Variants in MINPP1 observed in about 807,000 individuals in gnomAD.
MINPP1 encodes multiple inositol-polyphosphate phosphatase 1, also known as multiple inositol polyphosphate phosphatase 1.
A neutral mutation model predicts 46.1 loss-of-function variants in MINPP1; 28 were observed. That is an observed-to-expected ratio of 0.61 (90% confidence interval 0.45 to 0.83). The LOEUF (loss-of-function observed/expected upper bound fraction) is 0.83. Ranked by LOEUF, MINPP1 falls within the 40% of genes least tolerant of loss-of-function variation. The pLI is 0.00. For missense variants in MINPP1, 603 were observed against 610.0 expected, an observed-to-expected ratio of 0.99 and a Z score of 0.12; for synonymous variants, 268 against 249.1, an observed-to-expected ratio of 1.08 and a Z score of -0.72.
chr10:87,525,496 A>G (rs924622652), intron 4 of MINPP1, among the ~76,000 whole-genome samples: 1 of 152,132 alleles, frequency 6.6e-6, no homozygotes, highest in Non-Finnish European at 1.5e-5. Context: ...GCTGAATAAT[A>G]TTCCTTTGTA....
intron 4 of MINPP1, among the ~76,000 whole-genome samples, chr10:87,542,036 AG>A (rs1267793932): frequency 1.3e-5 from 2 of 152,168 alleles, no homozygotes; most frequent in African/African-American, 2.4e-5. Context: ...CCTTCACAAT[AG>A]TTCCCCAAGT....
At position 87,505,660 on chromosome 10, in the gene MINPP1, C is replaced by T. The variant is rs941661899; in HGVS notation, c.637+108C>T. 1.2e-4 allele frequency: 128 copies of T among 1,030,576 alleles called. No individual in the cohort carries two copies. Among genetic ancestry groups the T allele is most frequent in the Middle Eastern group, 6.2e-4 (2 of 3,240 alleles). 63.8% of individuals were successfully genotyped at this position (1,030,576 alleles called of 1,614,324 possible). A position where few individuals can be genotyped will look rare whatever the true frequency, so the allele number is the denominator to read the frequency against. ...TTTCCGATGCCCCCCAGTTCTCTTT[C>T]CTCTTTTCCCAAGCCATCATCCCTC... On this transcript the variant is annotated intron_variant, in intron 1 of 4. Transcript: ENST00000371996. The surrounding 1 kb of genome is among the most constrained non-coding windows in gnomAD (Gnocchi z 4.4).
intron 3 of MINPP1, among the ~76,000 whole-genome samples, chr10:87,518,832 G>T (rs763537302): frequency 4.6e-5 from 7 of 152,230 alleles, no homozygotes; most frequent in Non-Finnish European, 1.0e-4. Context: ...AGTAGGGCGA[G>T]ATATGGGGGA....
chr10:87,530,359 C>A (rs1179282383), intron 4 of MINPP1, among the ~76,000 whole-genome samples: 1 of 152,160 alleles, frequency 6.6e-6, no homozygotes, highest in Non-Finnish European at 1.5e-5. Context: ...TACCTTTGGT[C>A]TTTGATGATG....
At chr10:87,515,248 G>A (rs117447767) in intron 3 of MINPP1, among the ~76,000 whole-genome samples, 7,759 of 151,944 alleles carry the variant, frequency 0.051, 272 homozygotes, top group Non-Finnish European at 0.076. Context: ...TTAGCCAAGC[G>A]TGGTGGTGCA....
chr10:87,519,154 C>G (rs1200073237), intron 3 of MINPP1, among the ~76,000 whole-genome samples: 1 of 152,180 alleles, frequency 6.6e-6, no homozygotes, highest in Non-Finnish European at 1.5e-5. Flanking sequence ...ATGGGAGTTA[C>G]AAACCAGGAA....
intron 2 of MINPP1, chr10:87,509,811 G>C (rs1050310272): frequency 4.4e-6 from 1 of 229,646 alleles, no homozygotes; most frequent in Non-Finnish European, 9.3e-6. Context: ...TGCAATTCTA[G>C]TCCTACATTT....
chr10:87,511,267 T>G (rs1458605999), intron 2 of MINPP1, among the ~76,000 whole-genome samples: 2 of 152,224 alleles, frequency 1.3e-5, no homozygotes, highest in African/African-American at 2.4e-5. Flanking sequence ...CTCTTAGGTT[T>G]GTTGATGGTG....
intron 3 of MINPP1, among the ~76,000 whole-genome samples, chr10:87,515,539 T>A (rs927157854): frequency 6.6e-6 from 1 of 152,228 alleles, no homozygotes; most frequent in Admixed American, 6.5e-5. Context: ...TAAGGTTGTC[T>A]TTTGATTGAG....
At chr10:87,550,918 AG>A (rs1732358220) in intron 4 of MINPP1, among the ~76,000 whole-genome samples, 1 of 151,960 alleles carries the variant, frequency 6.6e-6, no homozygotes, top group African/African-American at 2.4e-5. Context: ...AGTCCTGGAG[AG>A]GACTAAATAC....
chr10:87,526,269 G>A (rs1418839532), intron 4 of MINPP1, among the ~76,000 whole-genome samples: 7 of 152,104 alleles, frequency 4.6e-5, no homozygotes. Context: ...ATCTCATTGT[G>A]GTTTTGATTT....
chr10:87,515,087 G>A (rs1428998925), intron 3 of MINPP1, among the ~76,000 whole-genome samples: 2 of 151,070 alleles, frequency 1.3e-5, no homozygotes, highest in Admixed American at 6.6e-5. Flanking sequence ...TTTTTTCCTT[G>A]TAAATAAAGA....
intron 4 of MINPP1, among the ~76,000 whole-genome samples, chr10:87,534,116 C>T (rs761099187): frequency 9.1e-5 from 12 of 132,488 alleles, no homozygotes; most frequent in African/African-American, 2.9e-4. Flanking sequence ...GCAGTGACAT[C>T]GTCTCGGCTC....
intron 4 of MINPP1, among the ~76,000 whole-genome samples, chr10:87,533,960 A>G (rs1851695625): frequency 6.6e-6 from 1 of 151,956 alleles, no homozygotes; most frequent in African/African-American, 2.4e-5. Flanking sequence ...TTGAAGTCAC[A>G]GTTCCATGGA....
intron 3 of MINPP1, among the ~76,000 whole-genome samples, chr10:87,514,759 A>C (rs1851389000): frequency 6.6e-6 from 1 of 152,144 alleles, no homozygotes; most frequent in Non-Finnish European, 1.5e-5. Context: ...TCTGTTGCCC[A>C]GGCTGGAGTG....
At chr10:87,533,885 G>T in intron 4 of MINPP1, among the ~76,000 whole-genome samples, 1 of 152,008 alleles carries the variant, frequency 6.6e-6, no homozygotes, top group Non-Finnish European at 1.5e-5. Context: ...CATTGTAACA[G>T]GGGAAACTTG....
At position 87,552,251 on chromosome 10, in the gene MINPP1, T is replaced by C; in HGVS notation, c.1237T>C (p.Ser413Pro). 1 of 1,613,834 alleles carries C rather than the reference T, an allele frequency of 6.2e-7. No individual in the cohort carries two copies. Among genetic ancestry groups the C allele is most frequent in the Non-Finnish European group, 8.5e-7 (1 of 1,179,824 alleles). The change falls in exon 5 of 5, where the codon TCG (serine) becomes CCG (proline). Residue 413 changes from serine (S) to proline (P), a missense_variant. Transcript: ENST00000371996. ...FRSGLIVPYASNLIFVLYHCE... is the reference protein window; with the variant it reads ...FRSGLIVPYAPNLIFVLYHCE... ...AAGTGGTCTCATTGTACCTTATGCC[T>C]CGAACCTGATATTTGTGCTTTACCA...
intron 4 of MINPP1, among the ~76,000 whole-genome samples, chr10:87,540,180 T>C (rs1202765298): frequency 6.6e-6 from 1 of 152,190 alleles, no homozygotes; most frequent in Non-Finnish European, 1.5e-5. Context: ...TATTCTTCTG[T>C]TAAAGGAAAA....
At chr10:87,526,812 C>T (rs1851583702) in intron 4 of MINPP1, among the ~76,000 whole-genome samples, 1 of 152,158 alleles carries the variant, frequency 6.6e-6, no homozygotes, top group South Asian at 2.1e-4. Flanking sequence ...AATCCTTTCC[C>T]CATTTCCTGT....
Sources: allele counts gnomAD v4.1 joint callset (sites outside exome capture counted in the v4.1 genomes callset), GRCh38; gene constraint gnomAD v4.1.1; non-coding constraint Gnocchi (gnomAD v3.1); transcripts MANE v1.5; gene names NCBI Gene and HGNC (gene_info 2026-07-23, HGNC 2026-07-21).